Variants in SDK1 observed in about 807,000 individuals in gnomAD.
SDK1 encodes the protein sidekick cell adhesion molecule 1, also known as protein sidekick-1.
SDK1 carries 157 observed loss-of-function variants against 245.5 expected under a neutral mutation model. The ratio of observed to expected loss-of-function variants is 0.64; its 90% CI spans 0.56 to 0.73. The LOEUF is 0.73. SDK1 is among the 30% of genes least tolerant of loss of function. The pLI, the probability that SDK1 is intolerant of heterozygous loss-of-function variation, is 0.00. For missense variants in SDK1, 3,583 were observed against 3,002.3 expected (o/e 1.19, Z -4.52); for synonymous variants, 1,647 against 1,278.5 (o/e 1.29, Z -6.15).
At chr7:3,849,245 C>G (rs1780359091) in intron 5 of SDK1, among the ~76,000 whole-genome samples, 2 of 152,218 alleles carry the variant, frequency 1.3e-5, no homozygotes, top group Non-Finnish European at 2.9e-5. Flanking sequence ...AGCATCATGT[C>G]TTCCCCGGAG....
At chr7:3,943,177 C>T (rs1380103128) in intron 5 of SDK1, among the ~76,000 whole-genome samples, 1 of 152,158 alleles carries the variant, frequency 6.6e-6, no homozygotes, top group African/African-American at 2.4e-5. Context: ...TGCTTTAGGG[C>T]ATAGACTTTT....
intron 19 of SDK1, among the ~76,000 whole-genome samples, chr7:4,058,615 C>T (rs1358236968): frequency 6.6e-6 from 1 of 152,122 alleles, no homozygotes; most frequent in Non-Finnish European, 1.5e-5. Context: ...CATCTACTCA[C>T]TTATAAGAGA....
At chr7:3,430,242 T>A (rs1779800328) in intron 1 of SDK1, among the ~76,000 whole-genome samples, 1 of 152,226 alleles carries the variant, frequency 6.6e-6, no homozygotes, top group Non-Finnish European at 1.5e-5. Context: ...AAGGACTTGA[T>A]GCACTCCAGG....
At chr7:3,549,551 C>T (rs958295755) in intron 1 of SDK1, among the ~76,000 whole-genome samples, 4 of 152,188 alleles carry the variant, frequency 2.6e-5, no homozygotes, top group Non-Finnish European at 4.4e-5. Flanking sequence ...GGTATATCAT[C>T]GATCACAGTG....
At chr7:4,225,839 C>T (rs988393230) in intron 40 of SDK1, among the ~76,000 whole-genome samples, 43 of 152,004 alleles carry the variant, frequency 2.8e-4, no homozygotes, top group Admixed American at 2.2e-3. Flanking sequence ...GCTTTTTCGG[C>T]GAGGGCTGAA....
At chr7:3,625,866 G>A (rs577513063) in intron 2 of SDK1, among the ~76,000 whole-genome samples, 1 of 152,036 alleles carries the variant, frequency 6.6e-6, no homozygotes. Context: ...ACTCAGGGCT[G>A]CCTGGAAGTG....
At chr7:3,424,968 T>G (rs1323776821) in intron 1 of SDK1, among the ~76,000 whole-genome samples, 2 of 152,206 alleles carry the variant, frequency 1.3e-5, no homozygotes, top group African/African-American at 4.8e-5. Context: ...ATTTTTCTTT[T>G]TTTTGAAGTA....
intron 4 of SDK1, among the ~76,000 whole-genome samples, chr7:3,697,828 A>C (rs1158013696): frequency 2.6e-5 from 4 of 152,224 alleles, no homozygotes; most frequent in Non-Finnish European, 5.9e-5. Context: ...GACTGTTAAA[A>C]GAGGCCTCTT....
chr7:3,486,714 T>G (rs1781707847), intron 1 of SDK1, among the ~76,000 whole-genome samples: 1 of 152,146 alleles, frequency 6.6e-6, no homozygotes, highest in Admixed American at 6.5e-5. Context: ...AGATAGTAGA[T>G]TTTTAGCCAC....
intron 20 of SDK1, among the ~76,000 whole-genome samples, chr7:4,073,600 TAAAC>T (rs751252357): frequency 1.8e-4 from 28 of 152,294 alleles, no homozygotes; most frequent in Admixed American, 5.9e-4. Flanking sequence ...GTTGTAATAT[TAAAC>T]AAAGTCTGCT....
intron 4 of SDK1, among the ~76,000 whole-genome samples, chr7:3,733,086 T>A (rs988763070): frequency 1.3e-5 from 2 of 152,218 alleles, no homozygotes; most frequent in Non-Finnish European, 2.9e-5. Flanking sequence ...ACAATGGATA[T>A]TAGGTAGTTC....
At chr7:3,940,168 C>T (rs896607560) in intron 5 of SDK1, among the ~76,000 whole-genome samples, 6 of 152,132 alleles carry the variant, frequency 3.9e-5, no homozygotes, top group Non-Finnish European at 8.8e-5. Context: ...ACCTACAGAA[C>T]TTCTCATTGT....
chr7:4,089,449 T>C (rs1781650503), intron 22 of SDK1, among the ~76,000 whole-genome samples: 1 of 152,232 alleles, frequency 6.6e-6, no homozygotes, highest in South Asian at 2.1e-4. Flanking sequence ...AGGCAAGATG[T>C]GCTCAGGCAG....
intron 4 of SDK1, among the ~76,000 whole-genome samples, chr7:3,791,559 G>A (rs1781090853): frequency 2.0e-5 from 3 of 152,128 alleles, no homozygotes; most frequent in Non-Finnish European, 2.9e-5. Flanking sequence ...TTGCTGCCTG[G>A]CCTTCATCCC....
At chr7:3,919,508 C>T (rs1779513402) in intron 5 of SDK1, among the ~76,000 whole-genome samples, 2 of 152,136 alleles carry the variant, frequency 1.3e-5, no homozygotes, top group Admixed American at 1.3e-4. Context: ...GCACTCGTAC[C>T]CTCCCTGGTG....
intron 1 of SDK1, among the ~76,000 whole-genome samples, chr7:3,571,220 A>G (rs1780103818): frequency 6.6e-6 from 1 of 152,042 alleles, no homozygotes; most frequent in South Asian, 2.1e-4. Flanking sequence ...TAGCTATTTG[A>G]TATTACCAAT....
At chr7:4,111,579 C>A (rs10244024) in intron 23 of SDK1, among the ~76,000 whole-genome samples, 31,203 of 151,468 alleles carry the variant, frequency 0.21, 3,331 homozygotes, top group Middle Eastern at 0.3. Flanking sequence ...ATTTTAACAT[C>A]CTTCAGGAGC....
At chr7:3,804,669 T>C (rs781116171) in intron 4 of SDK1, among the ~76,000 whole-genome samples, 10 of 152,322 alleles carry the variant, frequency 6.6e-5, no homozygotes, top group South Asian at 2.1e-4. Flanking sequence ...TATCTTTACT[T>C]TGTTGTGTTT....
chr7:3,697,311 C>T (rs1562378566), intron 4 of SDK1, among the ~76,000 whole-genome samples: 1 of 152,194 alleles, frequency 6.6e-6, no homozygotes, highest in South Asian at 2.1e-4. Flanking sequence ...TTCTTTCCCG[C>T]TGCAATTTAC....
Sources: gnomAD v4.1 joint callset for allele counts (sites outside exome capture counted in the v4.1 genomes callset) on GRCh38, gnomAD v4.1.1 for gene constraint, MANE v1.5 for transcripts, NCBI Gene and HGNC (gene_info 2026-07-23, HGNC 2026-07-21) for gene names.